The following KIF24 variants were observed in gnomAD, a reference collection of about 807,000 sequenced individuals.
KIF24 encodes the protein kinesin-like protein KIF24.
A neutral mutation model predicts 118.9 loss-of-function variants in KIF24; 81 were observed. That is an observed-to-expected ratio of 0.68 (90% CI 0.57 to 0.82). The LOEUF is 0.82. Among genes scored for constraint, KIF24 ranks in the 40% least tolerant of loss-of-function variants. The pLI is 0.00. For synonymous variants in KIF24, 599 were observed against 610.0 expected, an observed-to-expected ratio of 0.98 and a Z score of 0.27; for missense variants, 1,560 against 1,661.6, an observed-to-expected ratio of 0.94 and a Z score of 1.06.
chr9:34,299,780 T>A (rs1231668105), intron 3 of KIF24, among the ~76,000 whole-genome samples: 1 of 150,352 alleles, frequency 6.7e-6, no homozygotes, highest in Non-Finnish European at 1.5e-5. Flanking sequence ...TATTCTTTTA[T>A]ATATATATAG....
intron 12 of KIF24, 148 bp from the exon 13 acceptor site, chr9:34,254,668 A>G: frequency 1.3e-6 from 1 of 773,532 alleles, no homozygotes; most frequent in Admixed American, 2.4e-5. Flanking sequence ...GCTATGGCAC[A>G]GGGTGGGGCC....
At chr9:34,294,473 G>A (rs751766466) in intron 4 of KIF24, among the ~76,000 whole-genome samples, 12 of 152,050 alleles carry the variant, frequency 7.9e-5, no homozygotes, top group South Asian at 4.1e-4. Context: ...ACTTGAACCC[G>A]GGAAGCAGAG....
At chr9:34,258,245 G>A (rs752260324) in intron 10 of KIF24, among the ~76,000 whole-genome samples, 5 of 152,170 alleles carry the variant, frequency 3.3e-5, no homozygotes, top group Non-Finnish European at 7.3e-5. Flanking sequence ...GAGGCAGGAG[G>A]ACTGTTTGAG....
chr9:34,269,244 T>C lies in KIF24; in HGVS notation c.1443+13A>G, dbSNP rs774795294. The C allele has an allele frequency of 6.6e-7, 1 of 1,505,082 alleles. No homozygotes were observed. Among genetic ancestry groups the C allele is most frequent in the Non-Finnish European group, 9.2e-7 (1 of 1,087,248 alleles). The allele number at this position is 1,505,082 out of a possible 1,614,324, so 93.2% of individuals were successfully genotyped here. A position where few individuals can be genotyped will look rare whatever the true frequency, so the allele number is the denominator to read the frequency against. ...AAGAAGGATTTTTAGATTAAAGATTTTGAACAACTTACAGCCAGTAGACTC... is the reference window on the plus strand; with the variant it reads ...AAGAAGGATTTTTAGATTAAAGATTCTGAACAACTTACAGCCAGTAGACTC... On this transcript the variant is annotated intron_variant, in intron 8 of 12. Transcript: ENST00000402558.
intron 8 of KIF24, among the ~76,000 whole-genome samples, chr9:34,268,425 G>A (rs1455615277): frequency 6.6e-6 from 1 of 151,994 alleles, no homozygotes; most frequent in Non-Finnish European, 1.5e-5. Flanking sequence ...AAAAGTGTTG[G>A]GATTACAGGC....
chr9:34,268,066 A>G (rs185680198), intron 8 of KIF24, among the ~76,000 whole-genome samples: 51 of 152,388 alleles, frequency 3.3e-4, no homozygotes, highest in African/African-American at 1.2e-3. Context: ...GGACAATTAG[A>G]GGAATTATAA....
chr9:34,318,996 C>T lies in KIF24; in HGVS notation c.-25-7625G>A, dbSNP rs1837424615. On this transcript the variant is annotated intron_variant, in intron 1 of 12. Transcript: ENST00000402558. The surrounding 1 kb of genome is among the most constrained non-coding windows in gnomAD (Gnocchi z 4.9). The stretch of plus-strand genomic sequence containing the variant: ...AAGGACATGGAGTGCATGGATGGCG[C>T]CCTGCTTGTCAACACCATGTTCTTC... The T allele has an allele frequency of 1.6e-6, 2 of 1,237,494 alleles. No individual in the cohort carries two copies. The highest frequency in any genetic ancestry group is 1.5e-5 in the African/African-American group (1 of 67,856). 76.7% of individuals were successfully genotyped at this position (1,237,494 alleles called of 1,614,324 possible).
chr9:34,261,544 G>C (rs1835056781), intron 9 of KIF24, among the ~76,000 whole-genome samples: 1 of 152,138 alleles, frequency 6.6e-6, no homozygotes, highest in African/African-American at 2.4e-5. Context: ...TTTTAAAAAT[G>C]ATAAAAACAG....
At chr9:34,309,341 AC>A (rs1471180636) in intron 2 of KIF24, among the ~76,000 whole-genome samples, 1 of 152,130 alleles carries the variant, frequency 6.6e-6, no homozygotes, top group Non-Finnish European at 1.5e-5. Flanking sequence ...GGAGATCAAG[AC>A]CATCCTGGCT....
At chr9:34,299,435 G>T (rs1836609209) in intron 3 of KIF24, among the ~76,000 whole-genome samples, 1 of 151,926 alleles carries the variant, frequency 6.6e-6, no homozygotes. Context: ...GTCTGCTTCA[G>T]CCTCCCAAAG....
intron 7 of KIF24, among the ~76,000 whole-genome samples, chr9:34,271,110 T>C (rs1028223560): frequency 2.0e-5 from 3 of 151,816 alleles, no homozygotes; most frequent in Non-Finnish European, 2.9e-5. Context: ...CAAAGAAACA[T>C]GAGTGTCAGC....
At chr9:34,284,755 G>C (rs769229471) in intron 6 of KIF24, among the ~76,000 whole-genome samples, 3 of 152,012 alleles carry the variant, frequency 2.0e-5, no homozygotes, top group Non-Finnish European at 4.4e-5. Flanking sequence ...AGTCACACAG[G>C]GGGTTTGTAG....
rs190903359 is a variant in KIF24, at chr9:34,259,444, G to A, written c.1625+152C>T. Among the ~76,000 whole-genome samples, 45 of 152,338 alleles carry A rather than the reference G, an allele frequency of 3.0e-4. No individual in the cohort carries two copies. The East Asian group carries it at 6.9e-3, about 23-fold the overall frequency. ...TAATTGCCAAGAACAAGGCTGTGGC[G>A]CTCAAGGTCAGATCCCTATGTGTGT... is the stretch of plus-strand genomic sequence containing the variant. On this transcript the variant is annotated intron_variant, in intron 10 of 12. Coordinates refer to ENST00000402558, the MANE Select transcript of KIF24 (RefSeq NM_194313.4).
rs1256036932 is a variant in KIF24, at chr9:34,311,320, A to T, written c.27T>A (p.Leu9=). 6.3e-7 allele frequency: 1 copy of T among 1,585,638 alleles called. No individual in the cohort carries two copies. Among genetic ancestry groups the T allele is most frequent in the Non-Finnish European group, 8.6e-7 (1 of 1,165,370 alleles). MASWLYEC[L]CEAELAQYYS... ...AATACTGTGCAAGTTCAGCTTCACA[A>T]AGACATTCATATAACCAGGATGCCA... The change falls in exon 2 of 13, where the codon CTT becomes CTA. Residue 9 remains leucine (L), a synonymous_variant. Transcript: ENST00000402558.
intron 1 of KIF24, among the ~76,000 whole-genome samples, chr9:34,321,876 G>A (rs936868289): frequency 3.3e-5 from 5 of 151,990 alleles, no homozygotes; most frequent in Non-Finnish European, 5.9e-5. Context: ...AAAGTGTTGG[G>A]ATTACAGGCA....
chr9:34,302,470 T>A (rs1836756325), intron 3 of KIF24, among the ~76,000 whole-genome samples: 1 of 41,048 alleles, frequency 2.4e-5, no homozygotes, highest in African/African-American at 4.4e-5. Flanking sequence ...CGCTTGGCAA[T>A]TTTTTTTTTT....
chr9:34,304,381 G>A (rs1836837401), intron 3 of KIF24, among the ~76,000 whole-genome samples: 1 of 152,158 alleles, frequency 6.6e-6, no homozygotes, highest in African/African-American at 2.4e-5. Context: ...TATTCAATAA[G>A]TATTGACCAG....
intron 3 of KIF24, among the ~76,000 whole-genome samples, chr9:34,297,972 T>A (rs1015191785): frequency 6.6e-6 from 1 of 152,068 alleles, no homozygotes; most frequent in East Asian, 1.9e-4. Flanking sequence ...AGTATGCAAA[T>A]GACTGGAAGG....
intron 3 of KIF24, among the ~76,000 whole-genome samples, chr9:34,299,817 TGTGTGC>T (rs138866100): frequency 0.054 from 3,875 of 71,134 alleles, 66 homozygotes; most frequent in Non-Finnish European, 0.094. Context: ...TGTGTGTGTG[TGTGTGC>T]GTGTGTGTGT....
Sources: gnomAD v4.1 joint callset for allele counts (sites outside exome capture counted in the v4.1 genomes callset) on GRCh38, gnomAD v4.1.1 for gene constraint, Gnocchi (gnomAD v3.1) non-coding constraint, MANE v1.5 for transcripts, NCBI Gene and HGNC (gene_info 2026-07-23, HGNC 2026-07-21) for gene names.